OSBP2: variants seen among roughly 807,000 people sequenced by gnomAD.
OSBP2 encodes oxysterol-binding protein 2.
In OSBP2, 66 loss-of-function variants were observed where a neutral mutation model predicts 96.0. The observed-to-expected ratio is 0.69, with a 90% CI of 0.56 to 0.84. The LOEUF (loss-of-function observed/expected upper bound fraction) is 0.84. Among genes scored for constraint, OSBP2 ranks in the 40% least tolerant of loss-of-function variants. OSBP2 has a pLI of 0.00. For missense variants in OSBP2, 1,038 were observed against 1,222.7 expected (o/e 0.85, Z 2.25); for synonymous variants, 525 against 520.9 (o/e 1.01, Z -0.11).
At chr22:30,729,777 A>G (rs1368176024) in intron 1 of OSBP2, among the ~76,000 whole-genome samples, 1 of 151,894 alleles carries the variant, frequency 6.6e-6, no homozygotes, top group Non-Finnish European at 1.5e-5. Flanking sequence ...AGGCCGAGGC[A>G]GGTGGATCAC....
intron 2 of OSBP2, among the ~76,000 whole-genome samples, chr22:30,809,244 G>A (rs528942119): frequency 6.6e-6 from 1 of 152,322 alleles, no homozygotes. Flanking sequence ...GCAGCCCTAG[G>A]AAACTAACAC....
At chr22:30,704,534 T>TG (rs2089217588) in intron 1 of OSBP2, among the ~76,000 whole-genome samples, 1 of 143,588 alleles carries the variant, frequency 7.0e-6, no homozygotes, top group Non-Finnish European at 1.5e-5. Flanking sequence ...TTTTTTTTTT[T>TG]GAGACAGAGT....
chr22:30,765,899 A>G (rs899015010), intron 2 of OSBP2, among the ~76,000 whole-genome samples: 1 of 152,148 alleles, frequency 6.6e-6, no homozygotes, highest in Non-Finnish European at 1.5e-5. Context: ...TTCTCACCCC[A>G]ACTGAGAAAA....
chr22:30,884,982 AGTG>A (rs2039779878), intron 3 of OSBP2, among the ~76,000 whole-genome samples: 1 of 152,014 alleles, frequency 6.6e-6, no homozygotes, highest in African/African-American at 2.4e-5. Context: ...AGGTCTGAGG[AGTG>A]GTGGGAGTTA....
chr22:30,713,053 C>T (rs1375977434), intron 1 of OSBP2, among the ~76,000 whole-genome samples: 2 of 150,878 alleles, frequency 1.3e-5, no homozygotes, highest in African/African-American at 4.9e-5. Flanking sequence ...GCTGGGACTA[C>T]AGGCGTGCAT....
chr22:30,842,271 C>T (rs1426783794), intron 2 of OSBP2, among the ~76,000 whole-genome samples: 1 of 152,148 alleles, frequency 6.6e-6, no homozygotes, highest in Non-Finnish European at 1.5e-5. Context: ...GCACTTCAGT[C>T]TGGGCGACAG....
At position 30,694,926 on chromosome 22, in the gene OSBP2, C is replaced by T. The variant is rs757581742; in HGVS notation, c.17C>T (p.Ala6Val). Residue 6 changes from alanine (A) to valine (V), a missense_variant, in exon 1 of 14, where the codon GCT becomes GTT. By Grantham distance (64) the Ala-to-Val change is moderately conservative. Coordinates refer to ENST00000332585, the MANE Select transcript of OSBP2 (RefSeq NM_030758.4). MGKAA[A>V]PSRGGGCGGR... ...GCCGGCTCTATGGGGAAAGCGGCGGCTCCGAGCCGAGGCGGCGGCTGTGGC... is the reference window on the plus strand; with the variant it reads ...GCCGGCTCTATGGGGAAAGCGGCGGTTCCGAGCCGAGGCGGCGGCTGTGGC... 3 of 1,480,786 alleles carry T rather than the reference C, an allele frequency of 2.0e-6. No individual in the cohort carries two copies. Among genetic ancestry groups the T allele is most frequent in the Non-Finnish European group, 2.7e-6 (3 of 1,124,002 alleles). 91.7% of individuals were successfully genotyped at this position (1,480,786 alleles called of 1,614,324 possible).
At chr22:30,842,972 C>T (rs537037429) in intron 2 of OSBP2, among the ~76,000 whole-genome samples, 9 of 152,006 alleles carry the variant, frequency 5.9e-5, no homozygotes, top group Admixed American at 2.6e-4. Flanking sequence ...TTAGTAGAGA[C>T]GAGGTTTCAC....
chr22:30,737,047 G>A (rs535060751), intron 1 of OSBP2, among the ~76,000 whole-genome samples: 41 of 152,130 alleles, frequency 2.7e-4, no homozygotes, highest in African/African-American at 2.2e-4. Context: ...ACGGAGTCTT[G>A]CTCTGTTGCC....
intron 2 of OSBP2, chr22:30,822,392 A>C: frequency 1.7e-5 from 11 of 648,810 alleles, no homozygotes; most frequent in South Asian, 5.8e-5. Context: ...GGCGGGAGGA[A>C]GTGGTAGGCA....
intron 1 of OSBP2, among the ~76,000 whole-genome samples, chr22:30,698,930 A>C (rs1422959032): frequency 1.3e-5 from 2 of 151,144 alleles, no homozygotes; most frequent in African/African-American, 4.9e-5. Flanking sequence ...TTAAAAGTCC[A>C]TATTTTTTAT....
chr22:30,822,548 G>A lies in OSBP2; in HGVS notation c.854-47881G>A, dbSNP rs2038298345. ...CGCCGCCTCCGCCGGGCGGCCCACCGAGCTGTGCACGCGTCCGTGCAAGCC... is the reference window on the plus strand; with the variant it reads ...CGCCGCCTCCGCCGGGCGGCCCACCAAGCTGTGCACGCGTCCGTGCAAGCC... On this transcript the variant is annotated intron_variant, in intron 2 of 13. Coordinates refer to ENST00000332585, the MANE Select transcript of OSBP2 (RefSeq NM_030758.4). 4 of 1,298,522 alleles carry A rather than the reference G, an allele frequency of 3.1e-6. No individual in the cohort carries two copies. The East Asian group carries it at 1.1e-4, about 36-fold the overall frequency. 80.4% of individuals were successfully genotyped at this position (1,298,522 alleles called of 1,614,324 possible). A position where few individuals can be genotyped will look rare whatever the true frequency, so the allele number is the denominator to read the frequency against.
At chr22:30,822,767 C>A in intron 2 of OSBP2, 1 of 1,418,718 alleles carries the variant, frequency 7.0e-7, no homozygotes, top group Non-Finnish European at 9.5e-7. Context: ...GCATGCACGC[C>A]CGGTGCCTGG....
At chr22:30,872,800 C>T (rs1463540589) in intron 3 of OSBP2, among the ~76,000 whole-genome samples, 2 of 152,248 alleles carry the variant, frequency 1.3e-5, no homozygotes, top group Non-Finnish European at 2.9e-5. Flanking sequence ...CTGACAGCCA[C>T]TCCTCGCCTG....
intron 2 of OSBP2, among the ~76,000 whole-genome samples, chr22:30,799,560 G>A (rs987485473): frequency 1.1e-4 from 16 of 152,256 alleles, no homozygotes; most frequent in South Asian, 4.1e-4. Context: ...CCTGGGTTTC[G>A]TAGTGACAGA....
At position 30,737,065 on chromosome 22, in the gene OSBP2, G is replaced by C. The variant is rs1426590247; in HGVS notation, c.645-4096G>C. On this transcript the variant is annotated intron_variant, in intron 1 of 13. Transcript: ENST00000332585. ...GAGTCTTGCTCTGTTGCCCAGGCTG[G>C]AGTGCAATGGTGCAATCTTGGCTCG... is the stretch of plus-strand genomic sequence containing the variant. Among the ~76,000 whole-genome samples the C allele has an allele frequency of 2.6e-5, 4 of 152,166 alleles. 1 individual carries two copies. The East Asian group carries it at 7.7e-4, about 29-fold the overall frequency.
Position 30,890,769 on chromosome 22 carries a change from A to G in OSBP2, c.1665A>G (p.Thr555=). Residue 555 remains threonine, a synonymous_variant, in exon 8 of 14, where the codon ACA becomes ACG. Coordinates refer to ENST00000332585, the MANE Select transcript of OSBP2 (RefSeq NM_030758.4). This position sits in a 1 kb window ranked among gnomAD's most constrained non-coding sequence, Gnocchi z 4.4. ...NEPLSMLQRL[T]EDLEYHHLLD... is the part of the protein sequence containing the mutation. ...CCCTGTCCATGCTCCAGCGGCTGAC[A>G]GAGGACCTGGAGTACCACCACCTGC... The G allele has an allele frequency of 6.2e-7, 1 of 1,613,388 alleles. No individual in the cohort carries two copies. The highest frequency in any genetic ancestry group is 8.5e-7 in the Non-Finnish European group (1 of 1,179,978).
intron 2 of OSBP2, among the ~76,000 whole-genome samples, chr22:30,811,807 G>T (rs1292025856): frequency 1.3e-5 from 2 of 151,092 alleles, no homozygotes; most frequent in Non-Finnish European, 2.9e-5. Context: ...TGCCCACCTC[G>T]GCCTCCCAAA....
intron 1 of OSBP2, among the ~76,000 whole-genome samples, chr22:30,704,677 G>A (rs1263457563): frequency 1.3e-5 from 2 of 152,044 alleles, no homozygotes; most frequent in Admixed American, 1.3e-4. Flanking sequence ...TGTTGGCCAG[G>A]CTGGTCTCGA....
Sources: gnomAD v4.1 joint callset for allele counts (sites outside exome capture counted in the v4.1 genomes callset) on GRCh38, gnomAD v4.1.1 for gene constraint, Gnocchi (gnomAD v3.1) non-coding constraint, MANE v1.5 for transcripts, NCBI Gene and HGNC (gene_info 2026-07-23, HGNC 2026-07-21) for gene names.